The following CRELD1 variants were observed in gnomAD, a reference collection of about 807,000 sequenced individuals.
The protein encoded by CRELD1 is CRELD disulfide isomerase 1.
CRELD1 carries 42 observed loss-of-function variants against 58.2 expected under a neutral mutation model. That is an observed-to-expected ratio of 0.72 (90% CI 0.56 to 0.93). CRELD1 has a LOEUF of 0.93. CRELD1 is among the 40% of genes least tolerant of loss of function. The probability of loss-of-function intolerance (pLI) is 0.00; values close to 1 mark genes in which losing one functional copy is unlikely to be tolerated. For synonymous variants in CRELD1, 222 were observed against 202.0 expected (o/e 1.10, Z -0.84); for missense variants, 500 against 540.6 (o/e 0.92, Z 0.74).
At chr3:9,934,633 G>C in intron 2 of CRELD1, 21 bp downstream of exon 2, 2 of 1,611,174 alleles carry the variant, frequency 1.2e-6, no homozygotes, top group South Asian at 1.1e-5. Context: ...CGGCAGCCTC[G>C]TTAGAGGGGA....
At position 9,937,676 on chromosome 3, in the gene CRELD1, AG is replaced by A; in HGVS notation, c.368+5del. 6.3e-7 allele frequency: 1 copy of A among 1,593,480 alleles called. No homozygotes were observed. Among genetic ancestry groups the A allele is most frequent in the East Asian group, 2.3e-5 (1 of 44,430 alleles). On this transcript the variant is annotated splice_donor_5th_base_variant and intron_variant, in intron 4 of 10. Coordinates refer to ENST00000452070, the MANE Select transcript of CRELD1 (RefSeq NM_001077415.3). ...TGGAGAGCTGGTGGTTTCACAAGTGAGTGGCAAAGGGCCTTCCCTGGAAGTG... is the reference window on the plus strand; with the variant it reads ...TGGAGAGCTGGTGGTTTCACAAGTGATGGCAAAGGGCCTTCCCTGGAAGTG...
At chr3:9,943,330 G>A (rs1453448997) in intron 9 of CRELD1, 51 bp from the exon 10 acceptor site, 1 of 1,613,474 alleles carries the variant, frequency 6.2e-7, no homozygotes, top group Non-Finnish European at 8.5e-7. Flanking sequence ...ATGGAGTCAG[G>A]GTGCTGGGTG....
chr3:9,944,495 C>G lies in CRELD1; in HGVS notation c.1179C>G (p.Phe393Leu). 6.2e-7 allele frequency: 1 copy of G among 1,613,124 alleles called. No homozygotes were observed. Among genetic ancestry groups the G allele is most frequent in the East Asian group, 2.2e-5 (1 of 44,888 alleles). ...AKGDLVFTAI[F>L]IGAVAAMTGY... The stretch of plus-strand genomic sequence containing the variant: ...GCGACTTGGTGTTCACCGCCATCTT[C>G]ATTGGGGCTGTGGCGGCCATGACTG... The change falls in exon 11 of 11, where the codon TTC (phenylalanine) becomes TTG (leucine). Residue 393 changes from phenylalanine to leucine, a missense_variant. Physicochemically the swap from Phe to Leu is conservative, Grantham distance 22. Transcript: ENST00000452070.
At chr3:9,936,593 A>G (rs1378271631) in intron 3 of CRELD1, among the ~76,000 whole-genome samples, 1 of 152,058 alleles carries the variant, frequency 6.6e-6, no homozygotes, top group Non-Finnish European at 1.5e-5. Context: ...TAAAATACAC[A>G]TAAAAAATTT....
Position 9,944,396 on chromosome 3 carries a change from A to C in CRELD1, c.1080A>C (p.Glu360Asp), listed in dbSNP as rs201194201. The C allele has an allele frequency of 5.0e-6, 8 of 1,614,152 alleles. No homozygotes were observed. Among genetic ancestry groups the C allele is most frequent in the Non-Finnish European group, 6.8e-6 (8 of 1,180,048 alleles). Residue 360 changes from glutamate to aspartate, a missense_variant, in exon 11 of 11, where the codon GAA (glutamate) becomes GAC (aspartate). Transcript: ENST00000452070. ...CAGGCTTCTTCTCAGAGATGACAGA[A>C]GACGAGTTGGTGGTGCTGCAGCAGA... ...ESAGFFSEMTEDELVVLQQMF... is the reference protein window; with the variant it reads ...ESAGFFSEMTDDELVVLQQMF...
chr3:9,939,911 G>A (rs1448222733), intron 5 of CRELD1, among the ~76,000 whole-genome samples: 1 of 151,972 alleles, frequency 6.6e-6, no homozygotes, highest in South Asian at 2.1e-4. Flanking sequence ...AGGGGCAGCC[G>A]GGCAGAGGCG....
intron 1 of CRELD1, 67 bp downstream of exon 1, chr3:9,933,987 C>T (rs1376477126): frequency 3.1e-6 from 1 of 321,548 alleles, no homozygotes; most frequent in Non-Finnish European, 5.8e-6. Flanking sequence ...TGAATCTGAT[C>T]CCTTCCCTTC....
chr3:9,944,143 G>A (rs760741922), intron 10 of CRELD1: 6 of 788,354 alleles, frequency 7.6e-6, no homozygotes, highest in African/African-American at 5.1e-5. Flanking sequence ...GCCTTGGCAA[G>A]TCCAACCCCT....
Position 9,943,366 on chromosome 3 carries a change from C to T in CRELD1, c.914-15C>T, listed in dbSNP as rs1213183777. ...GGGGGCCCTAGCAGGACTCTGACCC[C>T]TCCCTCCCCTCAAGATGTGGATGAG... On this transcript the variant is annotated splice_polypyrimidine_tract_variant and intron_variant, in intron 9 of 10. Coordinates refer to ENST00000452070, the MANE Select transcript of CRELD1 (RefSeq NM_001077415.3). The T allele has an allele frequency of 1.2e-6, 2 of 1,613,844 alleles. No individual in the cohort carries two copies. Among genetic ancestry groups the T allele is most frequent in the South Asian group, 2.2e-5 (2 of 91,074 alleles).
chr3:9,934,211 T>C, intron 1 of CRELD1: 2 of 578,476 alleles, frequency 3.5e-6, no homozygotes. Context: ...CTCCACCCCA[T>C]GCTAGCGAGG....
chr3:9,939,929 C>G (rs924039606), intron 5 of CRELD1, among the ~76,000 whole-genome samples: 1 of 151,560 alleles, frequency 6.6e-6, no homozygotes, highest in South Asian at 2.1e-4. Context: ...GCGCCCCTCA[C>G]CTCCCGGACG....
At chr3:9,939,690 T>A (rs555594395) in intron 5 of CRELD1, among the ~76,000 whole-genome samples, 20 of 152,388 alleles carry the variant, frequency 1.3e-4, no homozygotes, top group East Asian at 3.8e-4. Flanking sequence ...AGAAGAATTT[T>A]TCTTAGTACA....
Position 9,943,071 on chromosome 3 carries a change from C to A in CRELD1, c.818-6C>A, listed in dbSNP as rs1454023208. 62 of 1,613,530 alleles carry A rather than the reference C, an allele frequency of 3.8e-5. No homozygotes were observed. Among genetic ancestry groups the A allele is most frequent in the Non-Finnish European group, 4.8e-5 (57 of 1,179,746 alleles). On this transcript the variant is annotated splice_region_variant and splice_polypyrimidine_tract_variant and intron_variant, in intron 8 of 10. Transcript: ENST00000452070. ...TCTCACCCTCATCTTTCTCTCCTCTCTCCAGACTGTGCCAAGGCCTGCCTA... is the reference window on the plus strand; with the variant it reads ...TCTCACCCTCATCTTTCTCTCCTCTATCCAGACTGTGCCAAGGCCTGCCTA...
rs781665549 is a variant in CRELD1 at position 9,934,625 on chromosome 3, G to GC, written c.174+14dup. On this transcript the variant is annotated intron_variant, in intron 2 of 10. Coordinates refer to ENST00000452070, the MANE Select transcript of CRELD1 (RefSeq NM_001077415.3). ...CAGCTTTAACAAGGTGGGTGCACCG[G>GC]CAGCCTCGTTAGAGGGGAACACAGC... The GC allele has an allele frequency of 6.2e-7, 1 of 1,611,650 alleles. No homozygotes were observed. The highest frequency in any genetic ancestry group is 2.2e-5 in the East Asian group (1 of 44,804).
At position 9,943,143 on chromosome 3, in the gene CRELD1, G is replaced by A; in HGVS notation, c.884G>A (p.Gly295Asp). ...GGTCGCTGTAAGAAGTGTAGCCCTG[G>A]CTATCAGCAGGTGGGCTCCAAGTGT... ...GPGRCKKCSP[G>D]YQQVGSKCLD... The change falls in exon 9 of 11, where the codon GGC becomes GAC. Residue 295 changes from glycine (G) to aspartate (D), a missense_variant. Transcript: ENST00000452070. 6.2e-7 allele frequency: 1 copy of A among 1,613,516 alleles called. No homozygotes were observed.
rs1400120383 is a variant in CRELD1, at chr3:9,945,074, GA to G, written c.*498del. 5.1e-6 allele frequency: 1 copy of G among 194,220 alleles called. No individual in the cohort carries two copies. Among genetic ancestry groups the G allele is most frequent in the African/African-American group, 2.3e-5 (1 of 43,182 alleles). The allele number at this position is 194,220 out of a possible 1,614,324, so 12.0% of individuals were successfully genotyped here. A position where few individuals can be genotyped will look rare whatever the true frequency, so the allele number is the denominator to read the frequency against. On this transcript the variant is annotated 3_prime_UTR_variant, in exon 11 of 11. Coordinates refer to ENST00000452070, the MANE Select transcript of CRELD1 (RefSeq NM_001077415.3). ...CCTGTCCCACCACCCCCACCTTAGG[GA>G]AATGTCCTAGAATCCTGGGAAATTG... is the stretch of plus-strand genomic sequence containing the variant.
intron 7 of CRELD1, 26 bp downstream of exon 7, chr3:9,941,232 G>T: frequency 6.3e-7 from 1 of 1,599,256 alleles, no homozygotes; most frequent in East Asian, 2.2e-5. Context: ...GCTAGGTCTG[G>T]GAAGATGGTC....
intron 7 of CRELD1, among the ~76,000 whole-genome samples, chr3:9,941,687 G>A (rs2085371852): frequency 6.6e-6 from 1 of 151,336 alleles, no homozygotes; most frequent in Non-Finnish European, 1.5e-5. Flanking sequence ...CTACTCAGGA[G>A]GCTGAGGCAG....
At position 9,944,175 on chromosome 3, in the gene CRELD1, T is replaced by G. The variant is rs2085455025; in HGVS notation, c.1049-190T>G. ...CCCTTTACCTCTCTGAGCCTCACTT[T>G]CCCATTTAGTGAGACAGGGATGGTA... is the stretch of plus-strand genomic sequence containing the variant. On this transcript the variant is annotated intron_variant, in intron 10 of 10. Transcript: ENST00000452070. 6.3e-6 allele frequency: 5 copies of G among 791,510 alleles called. No homozygotes were observed. The South Asian group carries it at 6.7e-5, about 11-fold the overall frequency. The allele number at this position is 791,510 out of a possible 1,614,324, so 49.0% of individuals were successfully genotyped here. A position where few individuals can be genotyped will look rare whatever the true frequency, so the allele number is the denominator to read the frequency against.
Sources: gnomAD v4.1 joint callset for allele counts (sites outside exome capture counted in the v4.1 genomes callset) on GRCh38, gnomAD v4.1.1 for gene constraint, MANE v1.5 for transcripts, NCBI Gene and HGNC (gene_info 2026-07-23, HGNC 2026-07-21) for gene names.